POR: variants seen among roughly 807,000 people sequenced by gnomAD.
The protein encoded by POR is NADPH--cytochrome P450 reductase.
In POR, 56 loss-of-function variants were observed where a neutral mutation model predicts 84.0. That is an observed-to-expected ratio of 0.67 (90% CI 0.54 to 0.83). POR has a LOEUF of 0.83. Ranked by LOEUF, POR falls within the 40% of genes least tolerant of loss-of-function variation. The probability of loss-of-function intolerance (pLI) is 0.00; values close to 1 mark genes in which losing one functional copy is unlikely to be tolerated. For missense variants in POR, 938 were observed against 944.3 expected, an observed-to-expected ratio of 0.99 and a Z score of 0.09; for synonymous variants, 414 against 400.5, an observed-to-expected ratio of 1.03 and a Z score of -0.40.
At chr7:75,919,095 T>C (rs1411071140) in intron 1 of POR, among the ~76,000 whole-genome samples, 1 of 151,444 alleles carries the variant, frequency 6.6e-6, no homozygotes, top group East Asian at 1.9e-4. Context: ...GTCTCCTGGG[T>C]TCAAGCAATT....
chr7:75,959,185 C>CA, intron 2 of POR, among the ~76,000 whole-genome samples: 1 of 152,172 alleles, frequency 6.6e-6, no homozygotes, highest in Admixed American at 6.5e-5. Context: ...CCAGCCTGGG[C>CA]AACGTAGCAA....
chr7:75,943,379 A>T (rs1254577866), intron 1 of POR, among the ~76,000 whole-genome samples: 2 of 152,200 alleles, frequency 1.3e-5, no homozygotes, highest in Non-Finnish European at 2.9e-5. Context: ...ACCACTGCTA[A>T]GCTGCTGAAC....
At chr7:75,930,585 C>T (rs754877631) in intron 1 of POR, among the ~76,000 whole-genome samples, 14 of 148,916 alleles carry the variant, frequency 9.4e-5, no homozygotes, top group South Asian at 2.2e-4. Flanking sequence ...TGCAGTGGCA[C>T]GATCTTGGCT....
chr7:75,925,414 A>G (rs542868661), intron 1 of POR, among the ~76,000 whole-genome samples: 2 of 152,248 alleles, frequency 1.3e-5, no homozygotes, highest in East Asian at 3.9e-4. Flanking sequence ...AGTCCCAGCT[A>G]CTCAAGAGGC....
intron 1 of POR, among the ~76,000 whole-genome samples, chr7:75,927,112 C>T (rs1369700087): frequency 6.6e-6 from 1 of 152,186 alleles, no homozygotes; most frequent in Non-Finnish European, 1.5e-5. Context: ...CCTGGTTCCA[C>T]CATTTATCGA....
At chr7:75,936,074 GTTTCTTTC>G (rs1356549825) in intron 1 of POR, among the ~76,000 whole-genome samples, 1 of 134,352 alleles carries the variant, frequency 7.4e-6, no homozygotes, top group Non-Finnish European at 1.6e-5. Flanking sequence ...TGTCTTTACT[GTTTCTTTC>G]TTTCTTTTTT....
chr7:75,978,475 C>A (rs1788800557), intron 3 of POR, among the ~76,000 whole-genome samples: 1 of 152,122 alleles, frequency 6.6e-6, no homozygotes, highest in Non-Finnish European at 1.5e-5. Flanking sequence ...AGGCTACACA[C>A]AAATACCACA....
chr7:75,953,075 G>A (rs1443256381), intron 1 of POR, among the ~76,000 whole-genome samples: 1 of 152,168 alleles, frequency 6.6e-6, no homozygotes, highest in African/African-American at 2.4e-5. Context: ...CCGGCACCTC[G>A]GGAGGCCGAG....
At chr7:75,981,274 C>G in intron 6 of POR, 102 bp downstream of exon 6, 3 of 1,429,922 alleles carry the variant, frequency 2.1e-6, no homozygotes, top group Non-Finnish European at 2.8e-6. Context: ...GACTCAGCGA[C>G]ACGCACCTCC....
In POR at chr7:75,981,020, C is replaced by T. The variant is rs782062578; in HGVS notation, c.517-28C>T. The T allele has an allele frequency of 5.1e-5, 79 of 1,544,342 alleles. No homozygotes were observed. The South Asian group carries it at 8.6e-4, about 17-fold the overall frequency. On this transcript the variant is annotated intron_variant, in intron 5 of 15. Coordinates refer to ENST00000461988, the MANE Select transcript of POR (RefSeq NM_000941.3). ...CCCACTGGTCAGGTCGAGGGCCAGG[C>T]CTCAGAGCGGCCCCTGTGTCCACGC...
Position 75,983,768 on chromosome 7 carries a change from C to T in POR, c.978C>T (p.Tyr326=). The change falls in exon 10 of 16, where the codon TAC becomes TAT. Residue 326 remains tyrosine (Y), a synonymous_variant. Coordinates refer to ENST00000461988, the MANE Select transcript of POR (RefSeq NM_000941.3). ...AATCTGGGGACCACGTGGCTGTGTA[C>T]CCAGCCAACGACTCTGCTCTCGTCA... 1 of 1,612,454 alleles carries T rather than the reference C, an allele frequency of 6.2e-7. No homozygotes were observed. The highest frequency in any genetic ancestry group is 8.5e-7 in the Non-Finnish European group (1 of 1,179,718).
At chr7:75,985,286 A>T in intron 12 of POR, 79 bp downstream of exon 12, 1 of 1,444,866 alleles carries the variant, frequency 6.9e-7, no homozygotes, top group Non-Finnish European at 9.2e-7. Flanking sequence ...AAGGCGGCAC[A>T]GGAGCTCCGA....
chr7:75,928,990 A>G (rs555126748), intron 1 of POR, among the ~76,000 whole-genome samples: 1 of 152,312 alleles, frequency 6.6e-6, no homozygotes, highest in East Asian at 1.9e-4. Flanking sequence ...GTACAATGTC[A>G]GGCCAGCACC....
intron 3 of POR, among the ~76,000 whole-genome samples, chr7:75,979,019 A>G (rs1302017379): frequency 6.7e-6 from 1 of 148,462 alleles, no homozygotes; most frequent in Non-Finnish European, 1.5e-5. Flanking sequence ...CTGGTCTTGA[A>G]CTCCTGACCT....
chr7:75,970,754 A>C (rs1336735179), intron 2 of POR, among the ~76,000 whole-genome samples: 2 of 151,464 alleles, frequency 1.3e-5, no homozygotes, highest in Non-Finnish European at 2.9e-5. Context: ...ATCTCAAAAA[A>C]AAAAAAGAAA....
chr7:75,975,814 A>ATTTTTTTTTTTTTT (rs539245771), intron 3 of POR, among the ~76,000 whole-genome samples: 8 of 82,178 alleles, frequency 9.7e-5, no homozygotes, highest in African/African-American at 1.3e-4. Context: ...AGCTGTTCAG[A>ATTTTTTTTTTTTTT]TTTTTTTTTT....
intron 2 of POR, among the ~76,000 whole-genome samples, chr7:75,954,450 G>A (rs564102723): frequency 2.6e-5 from 4 of 152,286 alleles, no homozygotes; most frequent in African/African-American, 9.6e-5. Flanking sequence ...TTAAGAACCG[G>A]GGGCTCAAGA....
chr7:75,932,303 C>T (rs1417697784), intron 1 of POR, among the ~76,000 whole-genome samples: 2 of 151,982 alleles, frequency 1.3e-5, no homozygotes, highest in Non-Finnish European at 2.9e-5. Flanking sequence ...GCCTCAGCCC[C>T]CCGAGTAGCT....
intron 2 of POR, among the ~76,000 whole-genome samples, chr7:75,959,750 G>A (rs990456792): frequency 2.0e-5 from 3 of 152,114 alleles, no homozygotes; most frequent in African/African-American, 7.2e-5. Flanking sequence ...GCCACTGTAC[G>A]GGGCCAAACA....
Sources: gnomAD v4.1 joint callset for allele counts (sites outside exome capture counted in the v4.1 genomes callset) on GRCh38, gnomAD v4.1.1 for gene constraint, MANE v1.5 for transcripts, NCBI Gene and HGNC (gene_info 2026-07-23, HGNC 2026-07-21) for gene names.